ADGRL3: variants seen among roughly 807,000 people sequenced by gnomAD.
ADGRL3 encodes adhesion G protein-coupled receptor L3, also known as calcium-independent alpha-latrotoxin receptor 3.
ADGRL3 carries 62 observed loss-of-function variants against 153.5 expected under a neutral mutation model. The observed-to-expected ratio is 0.40, with a 90% CI of 0.33 to 0.50. The LOEUF (loss-of-function observed/expected upper bound fraction) is 0.50. Ranked by LOEUF, ADGRL3 falls within the 20% of genes least tolerant of loss-of-function variation. ADGRL3 has a pLI of 0.47. For missense variants in ADGRL3, 1,641 were observed against 1,859.4 expected (o/e 0.88, Z 2.16); for synonymous variants, 710 against 672.5 (o/e 1.06, Z -0.86).
At chr4:61,524,330 A>G (rs1228668768) in intron 4 of ADGRL3, among the ~76,000 whole-genome samples, 2 of 152,066 alleles carry the variant, frequency 1.3e-5, no homozygotes, top group Non-Finnish European at 1.5e-5. Flanking sequence ...TGCATTTCCC[A>G]TTTATGTAAG....
chr4:61,871,651 G>A (rs760018534), intron 9 of ADGRL3, among the ~76,000 whole-genome samples: 39 of 152,108 alleles, frequency 2.6e-4, no homozygotes, highest in South Asian at 6.2e-4. Flanking sequence ...ATTGAGCAAG[G>A]GCTTTCTTTT....
intron 2 of ADGRL3, among the ~76,000 whole-genome samples, chr4:61,456,475 A>ATC (rs1168252279): frequency 2.3e-5 from 3 of 129,010 alleles, no homozygotes; most frequent in East Asian, 2.6e-4. Context: ...ATATATCTAT[A>ATC]TCTATATATA....
rs114171413 is a variant in ADGRL3, at chr4:61,700,771, T to A, written c.583+23836T>A. ...TAGTCATTTGAGGATTAAAAATAAGTCTTAAACATATTAAGATTGAGATGC... is the reference window on the plus strand; with the variant it reads ...TAGTCATTTGAGGATTAAAAATAAGACTTAAACATATTAAGATTGAGATGC... On this transcript the variant is annotated intron_variant, in intron 6 of 26. Coordinates refer to ENST00000683033, the MANE Select transcript of ADGRL3 (RefSeq NM_001387552.1). Among the ~76,000 whole-genome samples the A allele has an allele frequency of 8.9e-4, 136 of 152,284 alleles. 2 individuals are homozygous for A. The highest frequency in any genetic ancestry group is 3.2e-3 in the African/African-American group (133 of 41,564).
At chr4:61,495,651 C>T (rs2098307346) in intron 2 of ADGRL3, among the ~76,000 whole-genome samples, 1 of 152,032 alleles carries the variant, frequency 6.6e-6, no homozygotes. Context: ...TTTTGGTTTC[C>T]TAAGATAAAT....
At chr4:61,633,071 A>G (rs2093259417) in intron 5 of ADGRL3, among the ~76,000 whole-genome samples, 1 of 152,184 alleles carries the variant, frequency 6.6e-6, no homozygotes, top group Admixed American at 6.5e-5. Flanking sequence ...TTATTATTCT[A>G]TGTAATGAAG....
intron 6 of ADGRL3, among the ~76,000 whole-genome samples, chr4:61,725,485 C>T (rs944211799): frequency 1.3e-5 from 2 of 151,576 alleles, no homozygotes; most frequent in Non-Finnish European, 2.9e-5. Flanking sequence ...GTCCCAGCTA[C>T]TGGGGAGGCT....
At chr4:61,456,407 A>C (rs1348753469) in intron 2 of ADGRL3, among the ~76,000 whole-genome samples, 10 of 45,396 alleles carry the variant, frequency 2.2e-4, no homozygotes, top group Non-Finnish European at 5.5e-4. Context: ...CTATATCTAT[A>C]TATATATAGA....
At chr4:61,526,192 T>C (rs1189681635) in intron 4 of ADGRL3, among the ~76,000 whole-genome samples, 2 of 152,134 alleles carry the variant, frequency 1.3e-5, no homozygotes. Flanking sequence ...TTCATACAGA[T>C]GTAATAGGGT....
chr4:61,472,174 A>C (rs1042658082), intron 2 of ADGRL3, among the ~76,000 whole-genome samples: 1 of 152,156 alleles, frequency 6.6e-6, no homozygotes, highest in East Asian at 1.9e-4. Context: ...GTGATAGAAC[A>C]ATACAAATTA....
intron 9 of ADGRL3, among the ~76,000 whole-genome samples, chr4:61,834,230 C>A (rs374946917): frequency 1.3e-5 from 2 of 151,054 alleles, no homozygotes; most frequent in African/African-American, 2.4e-5. Flanking sequence ...TTTGTCCTTG[C>A]GATAGTTTGC....
chr4:61,582,964 C>T (rs902581180), intron 4 of ADGRL3, among the ~76,000 whole-genome samples: 2 of 152,034 alleles, frequency 1.3e-5, no homozygotes, highest in Admixed American at 1.3e-4. Context: ...ATATTCTACT[C>T]CTGAATTCTA....
intron 17 of ADGRL3, among the ~76,000 whole-genome samples, chr4:61,961,296 C>T (rs149638814): frequency 7.9e-5 from 12 of 152,244 alleles, no homozygotes; most frequent in African/African-American, 2.6e-4. Flanking sequence ...TTGCAAACAC[C>T]GATCTTTTAA....
chr4:61,329,226 TA>T (rs1340102312), intron 1 of ADGRL3, among the ~76,000 whole-genome samples: 1 of 152,166 alleles, frequency 6.6e-6, no homozygotes, highest in Non-Finnish European at 1.5e-5. Context: ...CAGTTTCAAA[TA>T]ACTTTATAAA....
At chr4:61,826,858 T>C (rs887488538) in intron 9 of ADGRL3, among the ~76,000 whole-genome samples, 1 of 152,050 alleles carries the variant, frequency 6.6e-6, no homozygotes, top group Non-Finnish European at 1.5e-5. Context: ...ATGGCACATG[T>C]ATACATATGT....
intron 2 of ADGRL3, among the ~76,000 whole-genome samples, chr4:61,391,386 C>T (rs1371671525): frequency 1.3e-5 from 2 of 152,126 alleles, no homozygotes; most frequent in Non-Finnish European, 2.9e-5. Context: ...AGAAGGGTAC[C>T]AAGCCATTCA....
chr4:61,952,242 T>A (rs563939976), intron 17 of ADGRL3, among the ~76,000 whole-genome samples: 3 of 152,194 alleles, frequency 2.0e-5, no homozygotes, highest in South Asian at 2.1e-4. Flanking sequence ...TTTGGGAGGC[T>A]GAGGCGGGCA....
rs1213040677 is a variant in ADGRL3, at chr4:61,936,008, G to A, written c.2382G>A (p.Gln794=). 1 of 1,610,356 alleles carries A rather than the reference G, an allele frequency of 6.2e-7. No homozygotes were observed. The highest frequency in any genetic ancestry group is 1.1e-5 in the South Asian group (1 of 90,252). The change falls in exon 15 of 27, where the codon CAG becomes CAA. Residue 794 remains glutamine (Q), a synonymous_variant. Coordinates refer to ENST00000683033, the MANE Select transcript of ADGRL3 (RefSeq NM_001387552.1). ...ACATGGGCCATGGAAGCACTATCCA[G>A]CTGTCTGCAAATACCTTAAAGCAAA... The part of the protein sequence containing the change: ...PENMGHGSTI[Q]LSANTLKQNG...
At chr4:61,417,327 A>G (rs926075316) in intron 2 of ADGRL3, among the ~76,000 whole-genome samples, 6 of 152,018 alleles carry the variant, frequency 3.9e-5, no homozygotes, top group Admixed American at 3.9e-4. Flanking sequence ...CATCTCTACA[A>G]ATAAAATAAT....
At chr4:61,462,488 G>T (rs1231773615) in intron 2 of ADGRL3, among the ~76,000 whole-genome samples, 1 of 152,090 alleles carries the variant, frequency 6.6e-6, no homozygotes, top group Non-Finnish European at 1.5e-5. Context: ...GAGAGACTGG[G>T]TGGTGATCTT....
Sources: allele counts gnomAD v4.1 joint callset (sites outside exome capture counted in the v4.1 genomes callset), GRCh38; gene constraint gnomAD v4.1.1; transcripts MANE v1.5; gene names NCBI Gene and HGNC (gene_info 2026-07-23, HGNC 2026-07-21).